The following VPS13B variants were observed in gnomAD, a reference collection of about 807,000 sequenced individuals.
VPS13B encodes intermembrane lipid transfer protein VPS13B.
A neutral mutation model predicts 426.4 loss-of-function variants in VPS13B; 285 were observed. The ratio of observed to expected loss-of-function variants is 0.67; its 90% CI spans 0.61 to 0.74. The LOEUF is 0.74. Among genes scored for constraint, VPS13B ranks in the 30% least tolerant of loss-of-function variants. The pLI is 0.00. For synonymous variants in VPS13B, 1,676 were observed against 1,676.4 expected (o/e 1.00, Z 0.01); for missense variants, 4,537 against 4,782.6 (o/e 0.95, Z 1.51).
intron 19 of VPS13B, among the ~76,000 whole-genome samples, chr8:99,310,435 T>A (rs1232269220): frequency 6.6e-6 from 1 of 152,238 alleles, no homozygotes; most frequent in East Asian, 1.9e-4. Context: ...TCTGCATCTA[T>A]TGAGATAATC....
At chr8:99,846,687 CAGA>C (rs938877379) in intron 54 of VPS13B, among the ~76,000 whole-genome samples, 2 of 152,092 alleles carry the variant, frequency 1.3e-5, no homozygotes, top group South Asian at 2.1e-4. Context: ...GGTTTTTTGC[CAGA>C]AGAAGTACCG....
chr8:99,414,982 A>G lies in VPS13B; in HGVS notation c.3083-16555A>G, dbSNP rs1480357495. Among the ~76,000 whole-genome samples the G allele has an allele frequency of 3.3e-5, 5 of 152,224 alleles. No individual in the cohort carries two copies. The East Asian group carries it at 9.7e-4, about 30-fold the overall frequency. On this transcript the variant is annotated intron_variant, in intron 21 of 61. Transcript: ENST00000357162. ...TGCTAGGTTGAAGAAGTTCTCCTGG[A>G]TAATATCCTGAAGACTATTTTCCAA...
chr8:99,107,463 C>T (rs1847108293), intron 5 of VPS13B, among the ~76,000 whole-genome samples: 1 of 151,882 alleles, frequency 6.6e-6, no homozygotes, highest in Admixed American at 6.6e-5. Context: ...AATAATTGGG[C>T]CATCTATCTA....
At chr8:99,301,910 A>G (rs1056791650) in intron 19 of VPS13B, among the ~76,000 whole-genome samples, 3 of 152,208 alleles carry the variant, frequency 2.0e-5, no homozygotes, top group East Asian at 1.9e-4. Flanking sequence ...AACAGGTGTG[A>G]GCCACTGCAC....
intron 5 of VPS13B, among the ~76,000 whole-genome samples, chr8:99,108,204 T>G (rs111577132): frequency 0.017 from 2,519 of 152,306 alleles, 39 homozygotes; most frequent in East Asian, 0.092. Context: ...TATGTAGTAT[T>G]CGATGGTGGA....
intron 17 of VPS13B, among the ~76,000 whole-genome samples, chr8:99,200,182 C>T (rs989075401): frequency 6.6e-6 from 1 of 152,116 alleles, no homozygotes; most frequent in Non-Finnish European, 1.5e-5. Flanking sequence ...TGCATTTTTC[C>T]ACTTAGCATA....
chr8:99,841,769 TTCTTCTGTG>T (rs1387778654), intron 54 of VPS13B, among the ~76,000 whole-genome samples: 11 of 152,180 alleles, frequency 7.2e-5, no homozygotes, highest in African/African-American at 2.7e-4. Context: ...ATCTGCCCCT[TTCTTCTGTG>T]ACTGGGGTCT....
At chr8:99,341,715 G>T in intron 19 of VPS13B, 1 of 389,814 alleles carries the variant, frequency 2.6e-6, no homozygotes, top group Admixed American at 2.6e-5. Context: ...TAGATATTCT[G>T]GGATCTTTCT....
At chr8:99,587,169 T>A (rs1279808803) in intron 33 of VPS13B, among the ~76,000 whole-genome samples, 1 of 152,200 alleles carries the variant, frequency 6.6e-6, no homozygotes, top group Non-Finnish European at 1.5e-5. Context: ...TTTTCACAGC[T>A]GCATAGTATT....
chr8:99,339,294 T>A (rs978491089), intron 19 of VPS13B, among the ~76,000 whole-genome samples: 11 of 151,988 alleles, frequency 7.2e-5, no homozygotes, highest in Non-Finnish European at 1.2e-4. Context: ...TGGCTCACAG[T>A]AGGCTGTACA....
chr8:99,046,099 T>C (rs1049700266), intron 3 of VPS13B, among the ~76,000 whole-genome samples: 1 of 152,106 alleles, frequency 6.6e-6, no homozygotes, highest in African/African-American at 2.4e-5. Flanking sequence ...GTGGCATTTT[T>C]ATGGGAATTG....
intron 31 of VPS13B, among the ~76,000 whole-genome samples, chr8:99,575,152 C>G (rs1413622394): frequency 6.6e-6 from 1 of 151,882 alleles, no homozygotes; most frequent in African/African-American, 2.4e-5. Flanking sequence ...GGTGACAGAG[C>G]AAGACCTTGT....
chr8:99,835,780 G>T, intron 54 of VPS13B, 42 bp downstream of exon 54: 1 of 1,604,732 alleles, frequency 6.2e-7, no homozygotes, highest in Non-Finnish European at 8.5e-7. Flanking sequence ...AAAGAAAAAT[G>T]CCCTTTTCTG....
chr8:99,428,719 G>A (rs1040356704), intron 21 of VPS13B, among the ~76,000 whole-genome samples: 1 of 152,218 alleles, frequency 6.6e-6, no homozygotes, highest in Non-Finnish European at 1.5e-5. Flanking sequence ...GGAAGTCAGT[G>A]TGGTGATTCC....
At chr8:99,561,919 G>A (rs1454511116) in intron 31 of VPS13B, among the ~76,000 whole-genome samples, 1 of 152,116 alleles carries the variant, frequency 6.6e-6, no homozygotes, top group Non-Finnish European at 1.5e-5. Flanking sequence ...ACATATTTGG[G>A]TATACACCTA....
chr8:99,135,481 T>C, intron 10 of VPS13B, 115 bp from the exon 11 acceptor site: 1 of 1,351,814 alleles, frequency 7.4e-7, no homozygotes. Context: ...TCCTTATCTT[T>C]CTGTTTTAGT....
At chr8:99,040,069 A>G (rs1020663320) in intron 3 of VPS13B, among the ~76,000 whole-genome samples, 1 of 151,986 alleles carries the variant, frequency 6.6e-6, no homozygotes, top group South Asian at 2.1e-4. Flanking sequence ...TATACCACCC[A>G]TGCAGTGTTC....
In VPS13B at chr8:99,403,505, C is replaced by T. The variant is rs113310535; in HGVS notation, c.3082+11801C>T. On this transcript the variant is annotated intron_variant, in intron 21 of 61. Coordinates refer to ENST00000357162, the MANE Select transcript of VPS13B (RefSeq NM_152564.5). ...CAGAGGTTGTAGTGAGCCGAGATTG[C>T]GTCACTGCACTCCAACCTGGGTGAC... is the stretch of plus-strand genomic sequence containing the variant. 1.4e-3 allele frequency among the ~76,000 whole-genome samples: 204 copies of T among 148,922 alleles called. 2 individuals are homozygous for T. The highest frequency in any genetic ancestry group is 2.0e-3 in the Non-Finnish European group (135 of 67,684).
chr8:99,235,179 C>G (rs894109856), intron 17 of VPS13B, among the ~76,000 whole-genome samples: 2 of 152,164 alleles, frequency 1.3e-5, no homozygotes, highest in African/African-American at 2.4e-5. Context: ...GCTCCCACAT[C>G]TATTTCAGTT....
Sources: gnomAD v4.1 joint callset for allele counts (sites outside exome capture counted in the v4.1 genomes callset) on GRCh38, gnomAD v4.1.1 for gene constraint, MANE v1.5 for transcripts, NCBI Gene and HGNC (gene_info 2026-07-23, HGNC 2026-07-21) for gene names.